PLCE1: variants seen among roughly 807,000 people sequenced by gnomAD.
PLCE1 encodes phospholipase C epsilon 1, also known as 1-phosphatidylinositol 4,5-bisphosphate phosphodiesterase epsilon-1.
A neutral mutation model predicts 242.8 loss-of-function variants in PLCE1; 119 were observed. The observed-to-expected ratio is 0.49, with a 90% CI of 0.42 to 0.57. The LOEUF is 0.57. Ranked by LOEUF, PLCE1 falls within the 20% of genes least tolerant of loss-of-function variation. The probability of loss-of-function intolerance (pLI) is 0.00; values close to 1 mark genes in which losing one functional copy is unlikely to be tolerated. For synonymous variants in PLCE1, 945 were observed against 1,017.4 expected (o/e 0.93, Z 1.35); for missense variants, 2,441 against 2,788.8 (o/e 0.88, Z 2.81).
intron 16 of PLCE1, 39 bp downstream of exon 16, chr10:94,265,997 C>T (rs1236649534): frequency 6.3e-7 from 1 of 1,599,962 alleles, no homozygotes; most frequent in South Asian, 1.1e-5. Context: ...TTTTATTAAA[C>T]CTAATTATTT....
chr10:94,190,219 G>T (rs1273640598), intron 4 of PLCE1, among the ~76,000 whole-genome samples: 2 of 152,218 alleles, frequency 1.3e-5, no homozygotes, highest in East Asian at 3.8e-4. Context: ...GGCAGAGGTT[G>T]CAGTGAGCCA....
At chr10:94,044,836 A>T (rs1032288922) in intron 2 of PLCE1, among the ~76,000 whole-genome samples, 1 of 152,158 alleles carries the variant, frequency 6.6e-6, no homozygotes, top group Non-Finnish European at 1.5e-5. Flanking sequence ...GGATTCATAC[A>T]TTATATGCTC....
chr10:94,045,258 G>A (rs2061855538), intron 2 of PLCE1, among the ~76,000 whole-genome samples: 1 of 152,078 alleles, frequency 6.6e-6, no homozygotes, highest in African/African-American at 2.4e-5. Flanking sequence ...CTGAGAAGCT[G>A]GGAATATGGG....
chr10:94,082,553 T>C (rs539398168), intron 2 of PLCE1, among the ~76,000 whole-genome samples: 27 of 152,304 alleles, frequency 1.8e-4, no homozygotes, highest in Non-Finnish European at 3.4e-4. Flanking sequence ...TACATTCCCC[T>C]CTACTTTACC....
intron 3 of PLCE1, among the ~76,000 whole-genome samples, chr10:94,141,322 C>T (rs1051598810): frequency 5.9e-5 from 9 of 152,358 alleles, no homozygotes; most frequent in African/African-American, 1.9e-4. Flanking sequence ...GGTGTGAATA[C>T]ACCCATTTTG....
intron 2 of PLCE1, among the ~76,000 whole-genome samples, chr10:94,103,344 T>C (rs1231276310): frequency 6.6e-6 from 1 of 152,220 alleles, no homozygotes; most frequent in Non-Finnish European, 1.5e-5. Context: ...TTACTGATGC[T>C]ACCAGACACC....
At chr10:94,225,636 G>T (rs2049913419) in intron 4 of PLCE1, among the ~76,000 whole-genome samples, 1 of 152,058 alleles carries the variant, frequency 6.6e-6, no homozygotes, top group Non-Finnish European at 1.5e-5. Context: ...GTCTAAAAAA[G>T]GAAGAAAGAA....
At chr10:94,254,427 C>T in intron 10 of PLCE1, 120 bp downstream of exon 10, 4 of 755,580 alleles carry the variant, frequency 5.3e-6, no homozygotes. Context: ...AACTCTTTGT[C>T]CTAACCAGAC....
intron 3 of PLCE1, among the ~76,000 whole-genome samples, chr10:94,141,454 A>G (rs570262636): frequency 1.3e-5 from 2 of 152,016 alleles, no homozygotes; most frequent in Admixed American, 1.3e-4. Context: ...AAAAAGAGAG[A>G]GAGGGAGAGG....
At chr10:94,244,122 T>A (rs1036258542) in intron 7 of PLCE1, among the ~76,000 whole-genome samples, 28 of 152,146 alleles carry the variant, frequency 1.8e-4, no homozygotes, top group Non-Finnish European at 3.7e-4. Context: ...ACTTTTTTTT[T>A]AAAGAATATC....
chr10:94,323,223 C>T lies in PLCE1; in HGVS notation c.6502-1126C>T, dbSNP rs79769455. Among the ~76,000 whole-genome samples the T allele has an allele frequency of 5.2e-3, 785 of 152,284 alleles. 7 individuals carry two copies. Among genetic ancestry groups the T allele is most frequent in the African/African-American group, 0.015 (630 of 41,554 alleles). On this transcript the variant is annotated intron_variant, in intron 30 of 32. Transcript: ENST00000371380. The stretch of plus-strand genomic sequence containing the variant: ...TAAATCACGCTTCTCTGAGAGTTTA[C>T]ATGGTTTCAGAGAAGTTTGCTTCCT...
At chr10:94,224,883 G>A (rs2049887032) in intron 4 of PLCE1, among the ~76,000 whole-genome samples, 1 of 152,198 alleles carries the variant, frequency 6.6e-6, no homozygotes, top group African/African-American at 2.4e-5. Context: ...TGCAGGAGAC[G>A]GGTCAGCACT....
intron 3 of PLCE1, chr10:94,138,785 C>A: frequency 4.3e-6 from 1 of 234,586 alleles, no homozygotes; most frequent in South Asian, 6.1e-5. Flanking sequence ...TTTCAAGCTT[C>A]ATATCAGTCT....
chr10:94,200,562 A>G (rs756390268), intron 4 of PLCE1, among the ~76,000 whole-genome samples: 12 of 152,224 alleles, frequency 7.9e-5, no homozygotes, highest in Non-Finnish European at 1.6e-4. Context: ...AATCTGTGCA[A>G]AAGAACTCCA....
intron 3 of PLCE1, among the ~76,000 whole-genome samples, chr10:94,147,344 C>T (rs545256508): frequency 6.6e-6 from 1 of 152,132 alleles, no homozygotes; most frequent in East Asian, 1.9e-4. Context: ...ATCACTTGAA[C>T]CCAGGAGATG....
At chr10:94,236,489 G>T (rs1430414952) in intron 7 of PLCE1, among the ~76,000 whole-genome samples, 1 of 151,966 alleles carries the variant, frequency 6.6e-6, no homozygotes, top group East Asian at 1.9e-4. Flanking sequence ...TAATTCTTGG[G>T]TGGGGTACTA....
intron 2 of PLCE1, among the ~76,000 whole-genome samples, chr10:94,041,709 TC>T (rs1326190380): frequency 6.6e-6 from 1 of 152,046 alleles, no homozygotes; most frequent in African/African-American, 2.4e-5. Flanking sequence ...CTAGCTTCTG[TC>T]AGTGGGGGTT....
intron 3 of PLCE1, among the ~76,000 whole-genome samples, chr10:94,164,956 G>A (rs1052940274): frequency 6.6e-6 from 1 of 152,148 alleles, no homozygotes; most frequent in Admixed American, 6.5e-5. Context: ...AGTGGATATT[G>A]GTGAACAGCA....
In PLCE1 at chr10:94,212,303, C is replaced by A. The variant is rs536140012; in HGVS notation, c.1810-15003C>A. ...ACAGAGTCTGGCTCTGTTGCCCAGG[C>A]CGGAGTGCAGTGGTGCCATCTCAGC... is the stretch of plus-strand genomic sequence containing the variant. On this transcript the variant is annotated intron_variant, in intron 4 of 32. Transcript: ENST00000371380. Among the ~76,000 whole-genome samples, 216 of 152,238 alleles carry A rather than the reference C, an allele frequency of 1.4e-3. 1 individual carries two copies. The highest frequency in any genetic ancestry group is 4.8e-3 in the African/African-American group (200 of 41,532).
Sources: gnomAD v4.1 joint callset for allele counts (sites outside exome capture counted in the v4.1 genomes callset) on GRCh38, gnomAD v4.1.1 for gene constraint, MANE v1.5 for transcripts, NCBI Gene and HGNC (gene_info 2026-07-23, HGNC 2026-07-21) for gene names.